Variants in TMEM135 observed in about 807,000 individuals in gnomAD.
TMEM135 encodes peroxisomal membrane protein 52.
A neutral mutation model predicts 60.3 loss-of-function variants in TMEM135; 30 were observed. The observed-to-expected ratio is 0.50, with a 90% confidence interval of 0.37 to 0.68. The LOEUF is 0.68. Among genes scored for constraint, TMEM135 ranks in the 30% least tolerant of loss-of-function variants. The probability of loss-of-function intolerance (pLI) is 0.00; values close to 1 mark genes in which losing one functional copy is unlikely to be tolerated. For missense variants in TMEM135, 468 were observed against 548.8 expected (o/e 0.85, Z 1.47); for synonymous variants, 190 against 186.7 (o/e 1.02, Z -0.14).
intron 4 of TMEM135, among the ~76,000 whole-genome samples, chr11:87,137,796 T>C (rs140472278): frequency 1.3e-5 from 2 of 152,280 alleles, no homozygotes; most frequent in African/African-American, 4.8e-5. Flanking sequence ...AGACATAACA[T>C]AGTATGTTGT....
chr11:87,038,147 C>T lies in TMEM135; in HGVS notation c.102C>T (p.Ala34=). The change falls in exon 1 of 15, where the codon GCC becomes GCT. Residue 34 remains alanine (A), a synonymous_variant. Coordinates refer to ENST00000305494, the MANE Select transcript of TMEM135 (RefSeq NM_022918.4). ...CCTTCCTGCAGATCACCGGGGGCGC[C>T]CTGGAGGAGTCCCTGAAGATCTATG... ...RVSFLQITGG[A]LEESLKIYAP... The T allele has an allele frequency of 6.2e-7, 1 of 1,614,136 alleles. No homozygotes were observed. Among genetic ancestry groups the T allele is most frequent in the Non-Finnish European group, 8.5e-7 (1 of 1,180,044 alleles).
At chr11:87,183,144 T>G (rs1373563086) in intron 5 of TMEM135, among the ~76,000 whole-genome samples, 2 of 140,872 alleles carry the variant, frequency 1.4e-5, no homozygotes, top group Admixed American at 1.4e-4. Context: ...AATTTTTTTT[T>G]TTTTTTTTTT....
Position 87,321,435 on chromosome 11 carries a change from C to T in TMEM135, c.*102C>T, listed in dbSNP as rs1942818566. On this transcript the variant is annotated 3_prime_UTR_variant, in exon 15 of 15. Coordinates refer to ENST00000305494, the MANE Select transcript of TMEM135 (RefSeq NM_022918.4). ...CCAAGCTCGAACTTCAGTGTTATTT[C>T]AGTTAGAGATACTCTTTTCATTTGT... is the stretch of plus-strand genomic sequence containing the variant. 1 of 1,223,388 alleles carries T rather than the reference C, an allele frequency of 8.2e-7. No individual in the cohort carries two copies. The allele number at this position is 1,223,388 out of a possible 1,614,324, so 75.8% of individuals were successfully genotyped here. A position where few individuals can be genotyped will look rare whatever the true frequency, so the allele number is the denominator to read the frequency against.
chr11:87,046,021 A>G (rs956407564), intron 1 of TMEM135, among the ~76,000 whole-genome samples: 2 of 152,246 alleles, frequency 1.3e-5, no homozygotes, highest in African/African-American at 4.8e-5. Flanking sequence ...GATTAGGCAC[A>G]TATACTCCTG....
chr11:87,194,437 C>T (rs1417945385), intron 5 of TMEM135, among the ~76,000 whole-genome samples: 1 of 152,136 alleles, frequency 6.6e-6, no homozygotes, highest in East Asian at 1.9e-4. Flanking sequence ...TTCTCTTGTA[C>T]TATCCTGTGT....
At chr11:87,125,979 T>C (rs968795023) in intron 4 of TMEM135, among the ~76,000 whole-genome samples, 8 of 152,214 alleles carry the variant, frequency 5.3e-5, no homozygotes, top group African/African-American at 1.9e-4. Context: ...CTGGAACATA[T>C]ACCTTTTATT....
chr11:87,124,838 G>A (rs1306629911), intron 4 of TMEM135, among the ~76,000 whole-genome samples: 4 of 151,034 alleles, frequency 2.6e-5, no homozygotes, highest in Admixed American at 6.6e-5. Flanking sequence ...TCTTACTTCT[G>A]TTCTTCTCTC....
chr11:87,309,694 A>G, intron 10 of TMEM135, 22 bp downstream of exon 10: 2 of 1,610,926 alleles, frequency 1.2e-6, no homozygotes. Context: ...AGAAGAGGAA[A>G]GAAAAATGGG....
chr11:87,315,921 T>C (rs762744432), intron 12 of TMEM135, among the ~76,000 whole-genome samples: 1 of 152,024 alleles, frequency 6.6e-6, no homozygotes, highest in Non-Finnish European at 1.5e-5. Context: ...CTCCTCCTTG[T>C]TGTAACATAA....
intron 4 of TMEM135, among the ~76,000 whole-genome samples, chr11:87,115,242 G>T (rs1857849269): frequency 6.6e-6 from 1 of 152,002 alleles, no homozygotes; most frequent in African/African-American, 2.4e-5. Flanking sequence ...ATGTCATAAT[G>T]CTCAAGTCCT....
chr11:87,124,500 T>C (rs1937666120), intron 4 of TMEM135, among the ~76,000 whole-genome samples: 1 of 152,150 alleles, frequency 6.6e-6, no homozygotes, highest in African/African-American at 2.4e-5. Flanking sequence ...AAATGTGACC[T>C]GTGTAGCATT....
intron 5 of TMEM135, among the ~76,000 whole-genome samples, chr11:87,231,964 T>G (rs957308138): frequency 6.6e-6 from 1 of 151,914 alleles, no homozygotes; most frequent in African/African-American, 2.4e-5. Flanking sequence ...CTTTTTTTTT[T>G]TTTTTGAGAC....
At chr11:87,098,206 C>G (rs1025833100) in intron 4 of TMEM135, among the ~76,000 whole-genome samples, 3 of 151,026 alleles carry the variant, frequency 2.0e-5, no homozygotes, top group Non-Finnish European at 4.4e-5. Flanking sequence ...AAAATAATAA[C>G]TCCTGTAAGC....
intron 5 of TMEM135, among the ~76,000 whole-genome samples, chr11:87,232,019 T>C (rs1377509594): frequency 4.0e-5 from 6 of 151,246 alleles, no homozygotes; most frequent in African/African-American, 1.5e-4. Context: ...TGGTGCAATC[T>C]CACTCACTGC....
intron 1 of TMEM135, among the ~76,000 whole-genome samples, chr11:87,064,481 C>A (rs186304623): frequency 2.2e-4 from 34 of 152,252 alleles, no homozygotes; most frequent in Admixed American, 3.9e-4. Context: ...CCAGAAGGAT[C>A]CCTAATGTTG....
intron 4 of TMEM135, among the ~76,000 whole-genome samples, chr11:87,126,721 C>T (rs1207856460): frequency 6.6e-6 from 1 of 151,976 alleles, no homozygotes. Flanking sequence ...GTAAAGTCCC[C>T]ATGAAGTATA....
At position 87,193,184 on chromosome 11, in the gene TMEM135, G is replaced by A. The variant is rs2007500; in HGVS notation, c.462+35778G>A. 1.5e-4 allele frequency among the ~76,000 whole-genome samples: 23 copies of A among 152,222 alleles called. No homozygotes were observed. In the South Asian group the frequency reaches 2.1e-3, roughly 14 times the overall value. On this transcript the variant is annotated intron_variant, in intron 5 of 14. Coordinates refer to ENST00000305494, the MANE Select transcript of TMEM135 (RefSeq NM_022918.4). The stretch of plus-strand genomic sequence containing the variant: ...TAGGCCATCATTAAGTTAAGACTGA[G>A]TGATACACAGCAGTGGAGTGGAGAC...
At chr11:87,306,217 A>G (rs912376968) in intron 9 of TMEM135, among the ~76,000 whole-genome samples, 2 of 152,234 alleles carry the variant, frequency 1.3e-5, no homozygotes, top group African/African-American at 2.4e-5. Flanking sequence ...TAATTTAAAA[A>G]ATTAGCTTGT....
intron 6 of TMEM135, among the ~76,000 whole-genome samples, chr11:87,288,125 C>G (rs1282841780): frequency 3.3e-5 from 5 of 152,074 alleles, no homozygotes. Context: ...TTATACGTAT[C>G]CTATTAGAGG....
Sources: allele counts gnomAD v4.1 joint callset (sites outside exome capture counted in the v4.1 genomes callset), GRCh38; gene constraint gnomAD v4.1.1; transcripts MANE v1.5; gene names NCBI Gene and HGNC (gene_info 2026-07-23, HGNC 2026-07-21).